XXYLT1: variants seen among roughly 807,000 people sequenced by gnomAD.
XXYLT1 encodes the protein UDP-xylose:alpha-xyloside alpha-1,3-xylosyltransferase.
In XXYLT1, 20 loss-of-function variants were observed where a neutral mutation model predicts 28.9. The ratio of observed to expected loss-of-function variants is 0.69; its 90% CI spans 0.49 to 1.00. XXYLT1 has a LOEUF of 1.00. XXYLT1 is among the 50% of genes least tolerant of loss of function. The probability of loss-of-function intolerance (pLI) is 0.00; values close to 1 mark genes in which losing one functional copy is unlikely to be tolerated. For missense variants in XXYLT1, 542 were observed against 560.1 expected, an observed-to-expected ratio of 0.97 and a Z score of 0.33; for synonymous variants, 257 against 253.8, an observed-to-expected ratio of 1.01 and a Z score of -0.12.
At chr3:195,072,852 G>T (rs1304603293) in intron 3 of XXYLT1, among the ~76,000 whole-genome samples, 1 of 152,204 alleles carries the variant, frequency 6.6e-6, no homozygotes, top group Non-Finnish European at 1.5e-5. Context: ...GTGTCTGCTG[G>T]TTCTCGTAGA....
chr3:195,191,200 A>G (rs990706444), intron 2 of XXYLT1, among the ~76,000 whole-genome samples: 2 of 152,144 alleles, frequency 1.3e-5, no homozygotes, highest in African/African-American at 4.8e-5. Context: ...ATTTTTTTCA[A>G]TAAAAGTTAT....
chr3:195,159,047 T>C (rs1720742655), intron 2 of XXYLT1, among the ~76,000 whole-genome samples: 1 of 152,146 alleles, frequency 6.6e-6, no homozygotes, highest in Admixed American at 6.5e-5. Flanking sequence ...GCTGAAATGA[T>C]AGCAGTAGGA....
At chr3:195,080,107 G>A (rs895858146) in intron 3 of XXYLT1, among the ~76,000 whole-genome samples, 4 of 152,180 alleles carry the variant, frequency 2.6e-5, no homozygotes, top group Non-Finnish European at 5.9e-5. Context: ...AGGCAGGGGC[G>A]GGAGGAGAAC....
intron 3 of XXYLT1, among the ~76,000 whole-genome samples, chr3:195,081,096 A>C (rs1487005222): frequency 6.6e-6 from 1 of 152,216 alleles, no homozygotes; most frequent in Non-Finnish European, 1.5e-5. Flanking sequence ...GGAGCCTGTC[A>C]TGCTGAGGTG....
intron 3 of XXYLT1, among the ~76,000 whole-genome samples, chr3:195,140,487 G>A (rs1022111805): frequency 1.3e-5 from 2 of 152,210 alleles, no homozygotes; most frequent in Non-Finnish European, 2.9e-5. Context: ...ACATACCTGA[G>A]ATTGGGTTGA....
intron 1 of XXYLT1, among the ~76,000 whole-genome samples, chr3:195,227,587 C>T (rs1406784879): frequency 6.6e-6 from 1 of 152,240 alleles, no homozygotes; most frequent in African/African-American, 2.4e-5. Context: ...CATACCCACA[C>T]TGATCCCCAC....
At chr3:195,199,772 C>A (rs1722775157) in intron 2 of XXYLT1, among the ~76,000 whole-genome samples, 1 of 152,192 alleles carries the variant, frequency 6.6e-6, no homozygotes, top group Non-Finnish European at 1.5e-5. Flanking sequence ...CCTCGCAGTG[C>A]ACTTGTGTTG....
chr3:195,110,008 TTG>T lies in XXYLT1; in HGVS notation c.786-39899_786-39898del, dbSNP rs1475635643. On this transcript the variant is annotated intron_variant, in intron 3 of 3. Transcript: ENST00000310380. ...GTGGGGGTGTGTGCATGGTGTGTGG[TTG>T]TGTGTGGCATGAGTGTGCATGTCTG... Among the ~76,000 whole-genome samples, 12 of 50,488 alleles carry T rather than the reference TTG, an allele frequency of 2.4e-4. 3 individuals carry two copies. Among genetic ancestry groups the T allele is most frequent in the East Asian group, 1.2e-3 (3 of 2,500 alleles). 33.1% of individuals were successfully genotyped at this position (50,488 alleles called of 152,430 possible).
chr3:195,258,037 T>C (rs1725543856), intron 1 of XXYLT1, among the ~76,000 whole-genome samples: 1 of 151,824 alleles, frequency 6.6e-6, no homozygotes, highest in African/African-American at 2.4e-5. Context: ...CTTGTGCAGG[T>C]TTTTCAGACT....
intron 2 of XXYLT1, among the ~76,000 whole-genome samples, chr3:195,219,495 A>T (rs1333856459): frequency 6.6e-6 from 1 of 152,186 alleles, no homozygotes; most frequent in Non-Finnish European, 1.5e-5. Flanking sequence ...GCAGGAAGGG[A>T]AGAAGGAATG....
intron 3 of XXYLT1, among the ~76,000 whole-genome samples, chr3:195,116,450 A>C (rs1162819016): frequency 1.3e-5 from 2 of 152,202 alleles, no homozygotes; most frequent in Non-Finnish European, 2.9e-5. Context: ...TTGAGTAGTG[A>C]GACTTGAAGC....
rs572464634 is a variant in XXYLT1, at chr3:195,270,458, C to T, written c.504+97G>A. On this transcript the variant is annotated intron_variant, in intron 1 of 3. Transcript: ENST00000310380. The stretch of plus-strand genomic sequence containing the variant: ...AGCGGGCAGCTCAGGGAAGATCCTA[C>T]CCGCTAGTTCCCCGGATCCCCTCCG... The T allele has an allele frequency of 1.8e-5, 24 of 1,339,542 alleles. No individual in the cohort carries two copies. The South Asian group carries it at 4.1e-4, about 23-fold the overall frequency. 83.0% of individuals were successfully genotyped at this position (1,339,542 alleles called of 1,614,324 possible).
intron 1 of XXYLT1, among the ~76,000 whole-genome samples, chr3:195,234,668 C>G (rs1285369603): frequency 6.6e-6 from 1 of 152,090 alleles, no homozygotes; most frequent in Non-Finnish European, 1.5e-5. Flanking sequence ...CCCTTCAACA[C>G]TTTAAGTATG....
At chr3:195,137,990 T>C (rs926164271) in intron 3 of XXYLT1, among the ~76,000 whole-genome samples, 8 of 152,310 alleles carry the variant, frequency 5.3e-5, no homozygotes, top group African/African-American at 1.9e-4. Context: ...ATAGCCCATA[T>C]GCTGGGTGTC....
intron 1 of XXYLT1, chr3:195,247,905 GCT>G: frequency 1.5e-6 from 1 of 664,428 alleles, no homozygotes. Context: ...TCTCCTGAGA[GCT>G]CACTGACTCT....
chr3:195,086,885 G>A (rs368645645), intron 3 of XXYLT1, among the ~76,000 whole-genome samples: 1 of 152,190 alleles, frequency 6.6e-6, no homozygotes, highest in East Asian at 1.9e-4. Context: ...CTGGCTATGG[G>A]GTCAGTGGCA....
At position 195,180,217 on chromosome 3, in the gene XXYLT1, G is replaced by A. The variant is rs969823833; in HGVS notation, c.653-23636C>T. On this transcript the variant is annotated intron_variant, in intron 2 of 3. Transcript: ENST00000310380. This position sits in a 1 kb window ranked among gnomAD's most constrained non-coding sequence, Gnocchi z 5.8. ...TGGCTTATGCACAGTCATTTCTAAC[G>A]CCAGATCCCCGTCTCTGCACTGACA... The A allele has an allele frequency of 1.9e-5, 14 of 727,570 alleles. No homozygotes were observed. The highest frequency in any genetic ancestry group is 1.3e-4 in the Admixed American group (2 of 15,938). The allele number at this position is 727,570 out of a possible 1,614,324, so 45.1% of individuals were successfully genotyped here. A position where few individuals can be genotyped will look rare whatever the true frequency, so the allele number is the denominator to read the frequency against.
chr3:195,233,699 T>A (rs906700228), intron 1 of XXYLT1, among the ~76,000 whole-genome samples: 1 of 152,228 alleles, frequency 6.6e-6, no homozygotes, highest in Admixed American at 6.5e-5. Flanking sequence ...TCTATTTACA[T>A]CTTGCTGTAC....
chr3:195,106,224 CGACGG>C (rs1717073746), intron 3 of XXYLT1, among the ~76,000 whole-genome samples: 1 of 150,394 alleles, frequency 6.6e-6, no homozygotes, highest in South Asian at 2.1e-4. Flanking sequence ...CTAGTGTTCT[CGACGG>C]AGAGGCGCTC....
Sources: allele counts gnomAD v4.1 joint callset (sites outside exome capture counted in the v4.1 genomes callset), GRCh38; gene constraint gnomAD v4.1.1; non-coding constraint Gnocchi (gnomAD v3.1); transcripts MANE v1.5; gene names NCBI Gene and HGNC (gene_info 2026-07-23, HGNC 2026-07-21).